Variants in LAMA2 observed in about 807,000 individuals in gnomAD.
The protein encoded by LAMA2 is laminin subunit alpha-2.
In LAMA2, 269 loss-of-function variants were observed where a neutral mutation model predicts 364.8. The observed-to-expected ratio is 0.74, with a 90% confidence interval of 0.67 to 0.82. LAMA2 has a LOEUF of 0.82. Ranked by LOEUF, LAMA2 falls within the 40% of genes least tolerant of loss-of-function variation. LAMA2 has a pLI of 0.00. For synonymous variants in LAMA2, 1,379 were observed against 1,370.6 expected, an observed-to-expected ratio of 1.01 and a Z score of -0.14; for missense variants, 3,807 against 3,873.2, an observed-to-expected ratio of 0.98 and a Z score of 0.45.
intron 34 of LAMA2, among the ~76,000 whole-genome samples, chr6:129,382,335 AT>A (rs1279056152): frequency 1.3e-5 from 2 of 152,198 alleles, no homozygotes; most frequent in African/African-American, 4.8e-5. Context: ...TACACACACC[AT>A]TTTTGTTTGA....
At chr6:129,071,510 C>T (rs968989832) in intron 3 of LAMA2, among the ~76,000 whole-genome samples, 1 of 152,004 alleles carries the variant, frequency 6.6e-6, no homozygotes, top group South Asian at 2.1e-4. Context: ...ATTAATATTT[C>T]AGTTCTTTTT....
chr6:129,449,923 C>T (rs1365820467), intron 45 of LAMA2, among the ~76,000 whole-genome samples: 1 of 151,754 alleles, frequency 6.6e-6, no homozygotes, highest in Non-Finnish European at 1.5e-5. Context: ...CTGCCTCAGC[C>T]TCCTGAGTAG....
At chr6:129,185,238 C>G (rs756079394) in intron 10 of LAMA2, among the ~76,000 whole-genome samples, 13 of 151,880 alleles carry the variant, frequency 8.6e-5, no homozygotes, top group Non-Finnish European at 1.8e-4. Flanking sequence ...GTTTATAAAG[C>G]AGTAGCTTCT....
At chr6:128,915,102 G>C (rs2114469400) in intron 1 of LAMA2, among the ~76,000 whole-genome samples, 1 of 152,218 alleles carries the variant, frequency 6.6e-6, no homozygotes, top group South Asian at 2.1e-4. Flanking sequence ...TGGCTGAATA[G>C]TTCATCTAAT....
chr6:129,316,444 A>G (rs988204772), intron 27 of LAMA2, among the ~76,000 whole-genome samples: 11 of 152,224 alleles, frequency 7.2e-5, no homozygotes, highest in African/African-American at 2.4e-4. Flanking sequence ...AATTCAAGAG[A>G]TCATATACTG....
At chr6:129,117,499 G>A (rs1776545232) in intron 4 of LAMA2, among the ~76,000 whole-genome samples, 1 of 152,160 alleles carries the variant, frequency 6.6e-6, no homozygotes, top group African/African-American at 2.4e-5. Flanking sequence ...CAAATTCTCA[G>A]AGTTAAATTA....
intron 1 of LAMA2, among the ~76,000 whole-genome samples, chr6:129,006,845 T>C (rs945114921): frequency 8.5e-5 from 13 of 152,188 alleles, no homozygotes; most frequent in Non-Finnish European, 7.4e-5. Flanking sequence ...GCTCCTGTCA[T>C]GCTGGACTCT....
At chr6:129,340,585 G>T (rs1025956876) in intron 29 of LAMA2, among the ~76,000 whole-genome samples, 6 of 151,928 alleles carry the variant, frequency 3.9e-5, no homozygotes, top group Admixed American at 2.0e-4. Flanking sequence ...GAGATTGGCT[G>T]GGCACGTTGG....
chr6:129,510,503 G>A (rs929160944), intron 62 of LAMA2, among the ~76,000 whole-genome samples: 27 of 152,086 alleles, frequency 1.8e-4, no homozygotes, highest in African/African-American at 6.0e-4. Context: ...ATAGAAATAC[G>A]TGTATGTTCA....
At chr6:129,242,519 T>G (rs1381567988) in intron 12 of LAMA2, among the ~76,000 whole-genome samples, 1 of 152,100 alleles carries the variant, frequency 6.6e-6, no homozygotes, top group Non-Finnish European at 1.5e-5. Context: ...TTGAAAAAAT[T>G]TTGAACCCTA....
chr6:129,267,260 G>T (rs1186702241), intron 16 of LAMA2, 41 bp downstream of exon 16: 3 of 1,290,486 alleles, frequency 2.3e-6, no homozygotes, highest in Admixed American at 3.4e-5. Context: ...TGACAAGGCT[G>T]AAATCACCTC....
rs192322070 is a variant in LAMA2 at position 128,943,203 on chromosome 6, C to T, written c.112+59846C>T. ...ACACATACGCACAAGAAGACTGTCT[C>T]TCTGTTTGTATATATACATACACGC... On this transcript the variant is annotated intron_variant, in intron 1 of 64. Coordinates refer to ENST00000421865, the MANE Select transcript of LAMA2 (RefSeq NM_000426.4). Among the ~76,000 whole-genome samples, 32 of 152,166 alleles carry T rather than the reference C, an allele frequency of 2.1e-4. No individual in the cohort carries two copies. In the East Asian group the frequency reaches 5.8e-3, roughly 28 times the overall value.
chr6:128,903,183 G>T (rs1026259113), intron 1 of LAMA2, among the ~76,000 whole-genome samples: 13 of 151,936 alleles, frequency 8.6e-5, no homozygotes, highest in Admixed American at 3.9e-4. Flanking sequence ...CTTTCACCAA[G>T]ATTTCTTTGT....
chr6:129,224,712 G>A (rs995902191), intron 12 of LAMA2, among the ~76,000 whole-genome samples: 6 of 152,142 alleles, frequency 3.9e-5, no homozygotes, highest in Non-Finnish European at 8.8e-5. Flanking sequence ...TAAGCTTTTT[G>A]ATGTGCTGCT....
chr6:128,897,802 G>A (rs761441295), intron 1 of LAMA2, among the ~76,000 whole-genome samples: 1 of 152,112 alleles, frequency 6.6e-6, no homozygotes, highest in African/African-American at 2.4e-5. Flanking sequence ...TTATGAACTT[G>A]GATTGCAATG....
intron 9 of LAMA2, among the ~76,000 whole-genome samples, chr6:129,173,667 G>A (rs1292616926): frequency 2.0e-5 from 3 of 152,060 alleles, no homozygotes. Flanking sequence ...GGCTCGAATT[G>A]CAAAATTGGA....
chr6:128,997,310 G>A (rs1293457852), intron 1 of LAMA2, among the ~76,000 whole-genome samples: 1 of 127,610 alleles, frequency 7.8e-6, no homozygotes, highest in Non-Finnish European at 1.6e-5. Context: ...AAGAAAGAAA[G>A]AAACAAAGAG....
At chr6:128,924,554 A>G (rs1405846256) in intron 1 of LAMA2, among the ~76,000 whole-genome samples, 1 of 152,120 alleles carries the variant, frequency 6.6e-6, no homozygotes, top group African/African-American at 2.4e-5. Flanking sequence ...GGAAAAAAAA[A>G]ATCCCCTGTA....
intron 1 of LAMA2, among the ~76,000 whole-genome samples, chr6:128,979,759 A>C (rs1297241500): frequency 6.6e-6 from 1 of 152,220 alleles, no homozygotes; most frequent in African/African-American, 2.4e-5. Context: ...GACTGTCATA[A>C]CATTGTTCAG....
Sources: allele counts gnomAD v4.1 joint callset (sites outside exome capture counted in the v4.1 genomes callset), GRCh38; gene constraint gnomAD v4.1.1; transcripts MANE v1.5; gene names NCBI Gene and HGNC (gene_info 2026-07-23, HGNC 2026-07-21).